Variants in ANKRD13C observed in about 807,000 individuals in gnomAD.
ANKRD13C encodes ankyrin repeat domain-containing protein 13C.
ANKRD13C carries 16 observed loss-of-function variants against 65.5 expected under a neutral mutation model. The ratio of observed to expected loss-of-function variants is 0.24; its 90% CI spans 0.17 to 0.37. ANKRD13C has a LOEUF of 0.37. Ranked by LOEUF, ANKRD13C falls within the 10% of genes least tolerant of loss-of-function variation. The pLI is 1.00. For synonymous variants in ANKRD13C, 235 were observed against 238.7 expected (o/e 0.98, Z 0.14); for missense variants, 503 against 655.9 (o/e 0.77, Z 2.55).
At chr1:70,295,069 C>T (rs1359822950) in intron 8 of ANKRD13C, among the ~76,000 whole-genome samples, 3 of 151,912 alleles carry the variant, frequency 2.0e-5, no homozygotes, top group Non-Finnish European at 4.4e-5. Context: ...CCTAATAATG[C>T]TATTTTTCTT....
At chr1:70,292,298 A>G in intron 9 of ANKRD13C, 90 bp downstream of exon 9, 1 of 908,504 alleles carries the variant, frequency 1.1e-6, no homozygotes, top group Non-Finnish European at 1.6e-6. Context: ...AGCTGTGAGT[A>G]CATTTATATA....
chr1:70,262,618 C>T lies in ANKRD13C; in HGVS notation c.*99G>A. The T allele has an allele frequency of 1.5e-6, 2 of 1,316,904 alleles. No homozygotes were observed. The highest frequency in any genetic ancestry group is 2.0e-6 in the Non-Finnish European group (2 of 979,940). The allele number at this position is 1,316,904 out of a possible 1,614,324, so 81.6% of individuals were successfully genotyped here. On this transcript the variant is annotated 3_prime_UTR_variant, in exon 13 of 13. Coordinates refer to ENST00000370944, the MANE Select transcript of ANKRD13C (RefSeq NM_030816.5). ...ATGTGTCGATTCAATGTGTAATTCC[C>T]TTTTCTTCACTGAAAGCATTTGTCC...
chr1:70,279,465 A>G (rs1380991250), intron 9 of ANKRD13C, among the ~76,000 whole-genome samples: 1 of 147,192 alleles, frequency 6.8e-6, no homozygotes, highest in African/African-American at 2.5e-5. Context: ...TGAAGATGCT[A>G]TATAAGTAGA....
chr1:70,297,112 G>C (rs542825172), intron 7 of ANKRD13C, among the ~76,000 whole-genome samples: 1 of 151,784 alleles, frequency 6.6e-6, no homozygotes, highest in Non-Finnish European at 1.5e-5. Context: ...TATTTAAGAC[G>C]TTATAAGGAA....
At chr1:70,274,661 A>G in intron 11 of ANKRD13C, 59 bp downstream of exon 11, 1 of 1,291,148 alleles carries the variant, frequency 7.7e-7, no homozygotes. Flanking sequence ...AAATATTATT[A>G]CAGCCTTTAG....
chr1:70,268,995 C>T (rs1678758441), intron 12 of ANKRD13C, among the ~76,000 whole-genome samples: 1 of 151,170 alleles, frequency 6.6e-6, no homozygotes, highest in East Asian at 1.9e-4. Flanking sequence ...CCCACTAACT[C>T]GTCATCTAGC....
intron 12 of ANKRD13C, among the ~76,000 whole-genome samples, chr1:70,269,938 TA>T (rs912402962): frequency 6.6e-6 from 1 of 152,170 alleles, no homozygotes; most frequent in Admixed American, 6.5e-5. Context: ...TGGATAGTGT[TA>T]AAGGAGCTCC....
chr1:70,302,935 A>G (rs1384597533), intron 6 of ANKRD13C, among the ~76,000 whole-genome samples: 2 of 152,064 alleles, frequency 1.3e-5, no homozygotes, highest in Non-Finnish European at 2.9e-5. Context: ...TTCTGCCTCC[A>G]TTCCCTGCTT....
intron 1 of ANKRD13C, among the ~76,000 whole-genome samples, chr1:70,349,853 T>C (rs1682674754): frequency 6.6e-6 from 1 of 152,152 alleles, no homozygotes; most frequent in Admixed American, 6.5e-5. Context: ...AACATACTCT[T>C]GGCCGGGCAT....
rs1484190127 is a variant in ANKRD13C at position 70,268,829 on chromosome 1, G to A, written c.1495+2027C>T. Among the ~76,000 whole-genome samples, 6 of 152,094 alleles carry A rather than the reference G, an allele frequency of 3.9e-5. No homozygotes were observed. The East Asian group carries it at 1.2e-3, about 29-fold the overall frequency. ...AGCACTTAAAGCTCTGGCTGATTCT[G>A]AAAACATGTAATTGTGTTAACAATA... is the stretch of plus-strand genomic sequence containing the variant. On this transcript the variant is annotated intron_variant, in intron 12 of 12. Coordinates refer to ENST00000370944, the MANE Select transcript of ANKRD13C (RefSeq NM_030816.5).
chr1:70,331,248 A>G (rs1230320178), intron 2 of ANKRD13C, among the ~76,000 whole-genome samples: 1 of 152,148 alleles, frequency 6.6e-6, no homozygotes, highest in East Asian at 1.9e-4. Flanking sequence ...ACAATGATAT[A>G]ATGTAAAAGC....
rs185765527 is a variant in ANKRD13C at position 70,353,892 on chromosome 1, G to A, written c.430+87C>T. ...TGATGGGCAAAAAGAAGAGTCTGCT[G>A]GAGGGGGCCTAGGATTCCAGAAGCC... On this transcript the variant is annotated intron_variant, in intron 1 of 12. Coordinates refer to ENST00000370944, the MANE Select transcript of ANKRD13C (RefSeq NM_030816.5). 331 of 1,417,218 alleles carry A rather than the reference G, an allele frequency of 2.3e-4. 1 individual carries two copies. In the African/African-American group the frequency reaches 4.2e-3, roughly 18 times the overall value. The allele number at this position is 1,417,218 out of a possible 1,614,324, so 87.8% of individuals were successfully genotyped here.
chr1:70,347,348 C>A (rs1208291915), intron 1 of ANKRD13C, among the ~76,000 whole-genome samples: 4 of 151,370 alleles, frequency 2.6e-5, no homozygotes, highest in Non-Finnish European at 5.9e-5. Context: ...GGAACCCAAG[C>A]ATTCTGATAA....
chr1:70,299,134 G>A (rs1390861263), intron 7 of ANKRD13C, among the ~76,000 whole-genome samples: 4 of 152,164 alleles, frequency 2.6e-5, no homozygotes, highest in African/African-American at 9.7e-5. Flanking sequence ...GTAACACCAA[G>A]TGCATGCCCT....
rs185415767 is a variant in ANKRD13C, at chr1:70,337,770, G to A, written c.431-1671C>T. Among the ~76,000 whole-genome samples the A allele has an allele frequency of 4.8e-3, 730 of 151,964 alleles. 7 individuals carry two copies. Among genetic ancestry groups the A allele is most frequent in the Middle Eastern group, 0.01 (3 of 294 alleles). On this transcript the variant is annotated intron_variant, in intron 1 of 12. Transcript: ENST00000370944. Reference sequence around the variant, plus strand: ...GAACCGGAGGTACAAATTTCCATTGGTACTTAGTACTTTAATATGAAAATA... The same window carrying A: ...GAACCGGAGGTACAAATTTCCATTGATACTTAGTACTTTAATATGAAAATA...
At chr1:70,336,855 T>C (rs998404518) in intron 1 of ANKRD13C, among the ~76,000 whole-genome samples, 5 of 152,156 alleles carry the variant, frequency 3.3e-5, no homozygotes, top group South Asian at 2.1e-4. Flanking sequence ...GCTATGAAGT[T>C]TGGACTACAT....
At chr1:70,296,345 A>T in intron 7 of ANKRD13C, 84 bp from the exon 8 acceptor site, 1 of 1,336,754 alleles carries the variant, frequency 7.5e-7, no homozygotes, top group Non-Finnish European at 1.0e-6. Flanking sequence ...CAACAATTAT[A>T]ATGGTACCAA....
At chr1:70,351,710 T>C (rs1230165749) in intron 1 of ANKRD13C, among the ~76,000 whole-genome samples, 2 of 152,138 alleles carry the variant, frequency 1.3e-5, no homozygotes, top group Non-Finnish European at 2.9e-5. Flanking sequence ...AAGCTTGCTG[T>C]TGTTTAAGTG....
At chr1:70,270,082 T>C (rs1434102508) in intron 12 of ANKRD13C, among the ~76,000 whole-genome samples, 7 of 152,200 alleles carry the variant, frequency 4.6e-5, no homozygotes, top group African/African-American at 1.7e-4. Flanking sequence ...TAAAGATCAT[T>C]GCTTAAGATG....
Sources: allele counts gnomAD v4.1 joint callset (sites outside exome capture counted in the v4.1 genomes callset), GRCh38; gene constraint gnomAD v4.1.1; transcripts MANE v1.5; gene names NCBI Gene and HGNC (gene_info 2026-07-23, HGNC 2026-07-21).